The following TAMM41 variants were observed in gnomAD, a reference collection of about 807,000 sequenced individuals.
TAMM41 encodes phosphatidate cytidylyltransferase, mitochondrial.
TAMM41 carries 36 observed loss-of-function variants against 44.1 expected under a neutral mutation model. The ratio of observed to expected loss-of-function variants is 0.82; its 90% CI spans 0.63 to 1.08. The LOEUF (loss-of-function observed/expected upper bound fraction) is 1.08. TAMM41 is among the 50% of genes least tolerant of loss of function. TAMM41 has a pLI of 0.00. For synonymous variants in TAMM41, 164 were observed against 153.1 expected (o/e 1.07, Z -0.53); for missense variants, 417 against 404.3 (o/e 1.03, Z -0.27).
chr3:11,737,386 T>C, the TAMM41 span, among the ~76,000 whole-genome samples: 1 of 151,652 alleles, frequency 6.6e-6, no homozygotes, highest in African/African-American at 2.4e-5. Flanking sequence ...AATGGCACGA[T>C]CTCGGCTCAC....
At chr3:11,766,844 C>G in the TAMM41 span, among the ~76,000 whole-genome samples, 1 of 152,004 alleles carries the variant, frequency 6.6e-6, no homozygotes, top group Non-Finnish European at 1.5e-5. Flanking sequence ...TGTGGGATTA[C>G]AGGTGTGAGC....
At chr3:11,767,626 A>ATTTT in the TAMM41 span, among the ~76,000 whole-genome samples, 298 of 60,710 alleles carry the variant, frequency 4.9e-3, 62 homozygotes, top group African/African-American at 0.01. Context: ...CACGTTGTGC[A>ATTTT]TTTTTTTTTT....
intron 3 of TAMM41, among the ~76,000 whole-genome samples, chr3:11,836,416 G>A (rs867457508): frequency 1.3e-5 from 2 of 152,130 alleles, no homozygotes; most frequent in Non-Finnish European, 2.9e-5. Flanking sequence ...ATGACTCAAG[G>A]CTTCTAATTT....
At chr3:11,734,149 G>A in the TAMM41 span, among the ~76,000 whole-genome samples, 5 of 152,292 alleles carry the variant, frequency 3.3e-5, no homozygotes, top group East Asian at 1.9e-4. Context: ...AAGAGAACCC[G>A]GGCCTTTGGT....
chr3:11,805,518 C>T (rs752554105), intron 7 of TAMM41, among the ~76,000 whole-genome samples: 20 of 151,762 alleles, frequency 1.3e-4, no homozygotes, highest in Non-Finnish European at 2.4e-4. Context: ...GCAATCCTCC[C>T]GCCCTGGCCT....
chr3:11,832,117 T>C (rs538097829), intron 3 of TAMM41, among the ~76,000 whole-genome samples: 110 of 152,324 alleles, frequency 7.2e-4, no homozygotes, highest in African/African-American at 2.5e-3. Context: ...TATATTCTGG[T>C]TAACTTATCT....
At chr3:11,816,662 A>T (rs2078288809) in intron 5 of TAMM41, among the ~76,000 whole-genome samples, 1 of 152,058 alleles carries the variant, frequency 6.6e-6, no homozygotes, top group South Asian at 2.1e-4. Flanking sequence ...GCTACTCAGG[A>T]GGCTGAGGTG....
chr3:11,725,403 CTCT>C, the TAMM41 span, among the ~76,000 whole-genome samples: 268 of 129,448 alleles, frequency 2.1e-3, no homozygotes, highest in African/African-American at 6.4e-3. Flanking sequence ...TTTCTTCTTC[CTCT>C]TCTTCTTCTT....
At chr3:11,815,203 C>T (rs1295430120) in intron 5 of TAMM41, among the ~76,000 whole-genome samples, 8 of 151,904 alleles carry the variant, frequency 5.3e-5, no homozygotes, top group Non-Finnish European at 2.9e-5. Flanking sequence ...GAGTATAAAC[C>T]GTGGAAGAGG....
chr3:11,807,289 G>T, intron 7 of TAMM41: 5 of 1,440,776 alleles, frequency 3.5e-6, no homozygotes, highest in Non-Finnish European at 4.5e-6. Context: ...TAGGAGGACA[G>T]AGGGATGGGA....
chr3:11,817,451 C>G, intron 4 of TAMM41, 114 bp from the exon 5 acceptor site: 1 of 1,093,966 alleles, frequency 9.1e-7, no homozygotes, highest in Non-Finnish European at 1.3e-6. Context: ...GATCCCTCAT[C>G]AGAACACTTG....
At chr3:11,732,780 C>A in the TAMM41 span, among the ~76,000 whole-genome samples, 10 of 152,014 alleles carry the variant, frequency 6.6e-5, no homozygotes, top group East Asian at 1.7e-3. Context: ...GAATAGCAAG[C>A]ACAAAGACTC....
In TAMM41 at chr3:11,846,573, C is replaced by CG; in HGVS notation, c.63dup (p.Glu22ArgfsTer36). On this transcript the variant is annotated frameshift_variant, in exon 1 of 8. Transcript: ENST00000455809. LOFTEE classifies it high-confidence loss of function. Reference sequence around the variant, plus strand: ...TAGACGAAAGCCAGACTCAGCTCCTCGGGGAAGTGAGACAGGATCTTGCGG... The same window carrying CG: ...TAGACGAAAGCCAGACTCAGCTCCTCGGGGGAAGTGAGACAGGATCTTGCGG... 6.2e-7 allele frequency: 1 copy of CG among 1,614,222 alleles called. No individual in the cohort carries two copies. The highest frequency in any genetic ancestry group is 1.1e-5 in the South Asian group (1 of 91,078).
rs1008468974 is a variant in TAMM41 at position 11,817,450 on chromosome 3, T to A, written c.563-113A>T. On this transcript the variant is annotated intron_variant, in intron 4 of 7. Transcript: ENST00000455809. Reference sequence around the variant, plus strand: ...GGGTTCACTCTGGCAGGATCCCTCATCAGAACACTTGCTTTTCCTCCTCAA... The same window carrying A: ...GGGTTCACTCTGGCAGGATCCCTCAACAGAACACTTGCTTTTCCTCCTCAA... 4.6e-6 allele frequency: 5 copies of A among 1,093,092 alleles called. No homozygotes were observed. In the African/African-American group the frequency reaches 7.7e-5, roughly 17 times the overall value. The allele number at this position is 1,093,092 out of a possible 1,614,324, so 67.7% of individuals were successfully genotyped here.
Position 11,804,846 on chromosome 3 carries a change from A to C in TAMM41, c.937+2987T>G, listed in dbSNP as rs571298606. ...CTACTAAGTCTTTGTTGAAACTTTT[A>C]TACAATGTTTTTATTATTATAATTT... On this transcript the variant is annotated intron_variant, in intron 7 of 7. Transcript: ENST00000455809. Among the ~76,000 whole-genome samples, 3 of 151,542 alleles carry C rather than the reference A, an allele frequency of 2.0e-5. No homozygotes were observed. The South Asian group carries it at 6.3e-4, about 32-fold the overall frequency.
chr3:11,769,197 C>A, the TAMM41 span, among the ~76,000 whole-genome samples: 76 of 152,300 alleles, frequency 5.0e-4, no homozygotes, highest in African/African-American at 1.8e-3. Flanking sequence ...TCAAGCGATT[C>A]TCCTGCGTCA....
At chr3:11,761,182 T>C in the TAMM41 span, among the ~76,000 whole-genome samples, 1 of 148,520 alleles carries the variant, frequency 6.7e-6, no homozygotes, top group African/African-American at 2.5e-5. Context: ...AAAAAAAAAA[T>C]CATCTTCAGG....
the TAMM41 span, among the ~76,000 whole-genome samples, chr3:11,776,042 C>T: frequency 1.4e-5 from 2 of 141,698 alleles, no homozygotes; most frequent in South Asian, 2.2e-4. Flanking sequence ...GAGATGGAGT[C>T]TCGCTCTGTT....
chr3:11,826,707 G>T (rs1559307101), intron 4 of TAMM41: 1 of 70 alleles, frequency 0.014, no homozygotes, highest in Admixed American at 0.17. Flanking sequence ...AAAAAGAAAG[G>T]TTCAAGATAC....
Sources: gnomAD v4.1 joint callset for allele counts (sites outside exome capture counted in the v4.1 genomes callset) on GRCh38, gnomAD v4.1.1 for gene constraint, MANE v1.5 for transcripts, NCBI Gene and HGNC (gene_info 2026-07-23, HGNC 2026-07-21) for gene names.